Variants in DIP2C observed in about 807,000 individuals in gnomAD.
DIP2C encodes DIP2 acetate--CoA ligase C (putative).
Under a neutral mutation model 192.4 loss-of-function variants are expected in DIP2C, and 33 were observed. The observed-to-expected ratio is 0.17, with a 90% CI of 0.13 to 0.23. DIP2C has a LOEUF of 0.23. Among genes scored for constraint, DIP2C ranks in the 10% least tolerant of loss-of-function variants. The pLI, the probability that DIP2C is intolerant of heterozygous loss-of-function variation, is 1.00. For synonymous variants in DIP2C, 979 were observed against 864.1 expected (o/e 1.13, Z -2.33); for missense variants, 1,537 against 2,110.1 (o/e 0.73, Z 5.32).
chr10:581,865 T>TTAC (rs1323356198), intron 1 of DIP2C, among the ~76,000 whole-genome samples: 3 of 152,066 alleles, frequency 2.0e-5, no homozygotes, highest in African/African-American at 7.2e-5. Context: ...TCTTAGCACA[T>TTAC]GTTAGGCCAG....
intron 29 of DIP2C, among the ~76,000 whole-genome samples, chr10:338,573 G>A (rs1957985341): frequency 6.6e-6 from 1 of 152,114 alleles, no homozygotes; most frequent in African/African-American, 2.4e-5. Context: ...CTGCGGACTG[G>A]GTGTGTCAGG....
chr10:634,970 G>A (rs756207071), intron 1 of DIP2C, among the ~76,000 whole-genome samples: 12 of 152,058 alleles, frequency 7.9e-5, no homozygotes, highest in Non-Finnish European at 1.8e-4. Flanking sequence ...GAATAACCAC[G>A]AACAAGCAAG....
intron 1 of DIP2C, among the ~76,000 whole-genome samples, chr10:521,792 G>A (rs183926247): frequency 3.3e-5 from 5 of 152,236 alleles, no homozygotes; most frequent in African/African-American, 7.2e-5. Flanking sequence ...TTTAAAAAGC[G>A]GTTTTCGGTT....
intron 1 of DIP2C, among the ~76,000 whole-genome samples, chr10:569,066 C>T (rs1168823738): frequency 1.3e-5 from 2 of 152,196 alleles, no homozygotes; most frequent in African/African-American, 4.8e-5. Context: ...GGGAGATCAG[C>T]TTTCAGGTAA....
At chr10:413,743 C>T (rs1310877667) in intron 8 of DIP2C, among the ~76,000 whole-genome samples, 170 bp downstream of exon 8, 1 of 152,154 alleles carries the variant, frequency 6.6e-6, no homozygotes, top group African/African-American at 2.4e-5. Context: ...TTTAAACAGA[C>T]ACTGAGCTTC....
chr10:291,791 G>T (rs937959187), intron 32 of DIP2C, among the ~76,000 whole-genome samples: 1 of 152,246 alleles, frequency 6.6e-6, no homozygotes, highest in Admixed American at 6.5e-5. Context: ...ATAAGTAGCT[G>T]GGGTTATTAA....
At chr10:477,152 G>T (rs919473585) in intron 2 of DIP2C, among the ~76,000 whole-genome samples, 1 of 146,012 alleles carries the variant, frequency 6.8e-6, no homozygotes, top group Non-Finnish European at 1.5e-5. Context: ...ACAGGAAGAA[G>T]GAAAAGGTCA....
At chr10:629,599 T>C (rs1166055985) in intron 1 of DIP2C, among the ~76,000 whole-genome samples, 1 of 150,176 alleles carries the variant, frequency 6.7e-6, no homozygotes, top group African/African-American at 2.5e-5. Flanking sequence ...CTTTAACCCG[T>C]ACTGGGGGAA....
At chr10:384,281 T>G (rs955371358) in intron 15 of DIP2C, 135 bp from the exon 16 acceptor site, 31 of 1,222,028 alleles carry the variant, frequency 2.5e-5, no homozygotes, top group Non-Finnish European at 3.2e-5. Context: ...CTTTTTTTTT[T>G]TTTTTTTTTT....
Position 344,844 on chromosome 10 carries a change from T to C in DIP2C, c.3418A>G (p.Ser1140Gly). The change falls in exon 28 of 37, where the codon AGC becomes GGC. Residue 1140 changes from serine to glycine, a missense_variant. Around this residue, in one of 4 missense-constraint regions of DIP2C, gnomAD observed 46 missense variants for 28.9 expected, o/e 1.59. Transcript: ENST00000280886. ...NPDTLAYLDF[S>G]VSTTGMLAGV... The stretch of plus-strand genomic sequence containing the variant: ...GCTAGCATCCCAGTTGTGGACACGC[T>C]GAAGTCGAGATATGCAAGAGTGTCT... 6.2e-7 allele frequency: 1 copy of C among 1,603,202 alleles called. No homozygotes were observed.
intron 10 of DIP2C, among the ~76,000 whole-genome samples, chr10:397,527 C>CAA (rs370992251): frequency 0.58 from 76,553 of 131,536 alleles, 21,808 homozygotes; most frequent in East Asian, 0.76. Context: ...GACTCCATCT[C>CAA]AAAAAAAAAA....
At chr10:648,765 G>A (rs535021904) in intron 1 of DIP2C, among the ~76,000 whole-genome samples, 7 of 145,022 alleles carry the variant, frequency 4.8e-5, no homozygotes, top group Non-Finnish European at 7.6e-5. Context: ...AGAACAGAGG[G>A]AAACTGAGTC....
At chr10:430,216 C>T (rs530453273) in intron 4 of DIP2C, 1 of 152,274 alleles carries the variant, frequency 6.6e-6, no homozygotes, top group East Asian at 1.9e-4. Flanking sequence ...GTCTTTGACC[C>T]ATTTTTTACT....
At chr10:339,796 TAATTAG>T in intron 29 of DIP2C, among the ~76,000 whole-genome samples, 1 of 152,368 alleles carries the variant, frequency 6.6e-6, no homozygotes, top group Middle Eastern at 3.4e-3. Context: ...TGAATTGTCC[TAATTAG>T]AATATCGGTA....
At chr10:522,318 T>A (rs1009573903) in intron 1 of DIP2C, among the ~76,000 whole-genome samples, 1 of 152,244 alleles carries the variant, frequency 6.6e-6, no homozygotes, top group African/African-American at 2.4e-5. Context: ...AGTTTATCCA[T>A]TCACCTACTG....
chr10:407,485 T>G (rs1964888541), intron 9 of DIP2C, among the ~76,000 whole-genome samples: 1 of 152,196 alleles, frequency 6.6e-6, no homozygotes, highest in African/African-American at 2.4e-5. Flanking sequence ...TAATTCCATG[T>G]TTAATTCTTT....
chr10:671,743 AACGTC>A (rs2132150645), intron 1 of DIP2C, among the ~76,000 whole-genome samples: 1 of 115,504 alleles, frequency 8.7e-6, no homozygotes, highest in Non-Finnish European at 1.7e-5. Context: ...GGACGGAGGA[AACGTC>A]ACAGACGCAC....
At chr10:345,140 G>A in intron 26 of DIP2C, 30 bp from the exon 27 acceptor site, 1 of 1,590,304 alleles carries the variant, frequency 6.3e-7, no homozygotes, top group Non-Finnish European at 8.6e-7. Context: ...ATGGAGCCAT[G>A]AACGTGGACC....
At chr10:528,547 C>T (rs115570648) in intron 1 of DIP2C, among the ~76,000 whole-genome samples, 4,533 of 152,286 alleles carry the variant, frequency 0.03, 93 homozygotes, top group East Asian at 0.076. Context: ...GCTGGAGATG[C>T]GCTTTGTGCA....
Sources: allele counts gnomAD v4.1 joint callset (sites outside exome capture counted in the v4.1 genomes callset), GRCh38; gene constraint gnomAD v4.1.1; regional missense constraint gnomAD v4.1.1; transcripts MANE v1.5; gene names NCBI Gene and HGNC (gene_info 2026-07-23, HGNC 2026-07-21).